The following LRRC4C variants were observed in gnomAD, a reference collection of about 807,000 sequenced individuals.
LRRC4C encodes the protein leucine rich repeat containing 4C, also known as leucine-rich repeat-containing protein 4C.
Under a neutral mutation model 33.6 loss-of-function variants are expected in LRRC4C, and 5 were observed. That is an observed-to-expected ratio of 0.15 (90% confidence interval 0.08 to 0.31). The LOEUF (loss-of-function observed/expected upper bound fraction) is 0.31. Ranked by LOEUF, LRRC4C falls within the 10% of genes least tolerant of loss-of-function variation. LRRC4C has a pLI of 1.00. For synonymous variants in LRRC4C, 329 were observed against 302.0 expected, an observed-to-expected ratio of 1.09 and a Z score of -0.93; for missense variants, 560 against 796.7, an observed-to-expected ratio of 0.70 and a Z score of 3.58.
At chr11:40,971,585 T>C (rs1460918146) in intron 1 of LRRC4C, among the ~76,000 whole-genome samples, 1 of 151,980 alleles carries the variant, frequency 6.6e-6, no homozygotes, top group African/African-American at 2.4e-5. Context: ...AGATGGAAAA[T>C]ATGGGTTTGG....
chr11:40,465,533 T>C (rs1398033119), intron 3 of LRRC4C, among the ~76,000 whole-genome samples: 1 of 151,924 alleles, frequency 6.6e-6, no homozygotes, highest in African/African-American at 2.4e-5. Flanking sequence ...TGGGAGAAAC[T>C]ATTTGCAAAC....
At chr11:40,536,278 C>G (rs1167039837) in intron 3 of LRRC4C, among the ~76,000 whole-genome samples, 2 of 152,134 alleles carry the variant, frequency 1.3e-5, no homozygotes, top group Non-Finnish European at 2.9e-5. Flanking sequence ...ACTGCAACCT[C>G]CGCCTCCTGG....
rs202214030 is a variant in LRRC4C at position 40,114,956 on chromosome 11, G to A, written c.1337C>T (p.Ala446Val). ...TASATLNVTA[A>V]TTTPFSYFST... ...AAAGTAAGAGAAAGGAGTAGTGGTT[G>A]CTGCAGTAACATTCAGGGTGGCTGA... The change falls in exon 7 of 7, where the codon GCA becomes GTA. Residue 446 changes from alanine to valine, a missense_variant. This residue lies in a region of LRRC4C where 455 missense variants were observed against 643.8 expected (regional missense o/e 0.71). Coordinates refer to ENST00000528697, the MANE Select transcript of LRRC4C (RefSeq NM_001258419.2). 1.8e-4 allele frequency: 294 copies of A among 1,614,052 alleles called. 2 individuals carry two copies. The highest frequency in any genetic ancestry group is 1.5e-4 in the Admixed American group (9 of 60,000).
In LRRC4C at chr11:40,590,149, C is replaced by A. The variant is rs542533584; in HGVS notation, c.-270+57993G>T. Among the ~76,000 whole-genome samples, 398 of 151,656 alleles carry A rather than the reference C, an allele frequency of 2.6e-3. 2 individuals are homozygous for A. Among genetic ancestry groups the A allele is most frequent in the African/African-American group, 9.3e-3 (385 of 41,438 alleles). ...GTAGATTTGGTCTTTTCACATAGTC[C>A]CATATTTCTTGGAGGCTTTGCTTGT... is the stretch of plus-strand genomic sequence containing the variant. On this transcript the variant is annotated intron_variant, in intron 3 of 6. Coordinates refer to ENST00000528697, the MANE Select transcript of LRRC4C (RefSeq NM_001258419.2).
intron 1 of LRRC4C, among the ~76,000 whole-genome samples, chr11:41,176,731 C>T (rs556261246): frequency 9.2e-5 from 14 of 151,968 alleles, no homozygotes; most frequent in Admixed American, 3.3e-4. Flanking sequence ...GGGAGGCTGA[C>T]GCAGGCGGAT....
chr11:40,533,158 C>T (rs1031783996), intron 3 of LRRC4C, among the ~76,000 whole-genome samples: 4 of 152,088 alleles, frequency 2.6e-5, no homozygotes, highest in African/African-American at 9.7e-5. Flanking sequence ...CATTTTGGAG[C>T]TATTTTTCAA....
intron 1 of LRRC4C, among the ~76,000 whole-genome samples, chr11:40,997,315 G>C (rs1476194658): frequency 6.6e-6 from 1 of 151,986 alleles, no homozygotes; most frequent in Non-Finnish European, 1.5e-5. Context: ...GACAGTAAAG[G>C]GACATAACCA....
chr11:41,234,339 A>G (rs1947930436), intron 1 of LRRC4C, among the ~76,000 whole-genome samples: 1 of 152,088 alleles, frequency 6.6e-6, no homozygotes, highest in Non-Finnish European at 1.5e-5. Flanking sequence ...ATATTACATT[A>G]CCTCATATAC....
intron 3 of LRRC4C, among the ~76,000 whole-genome samples, chr11:40,579,293 T>G (rs1294839035): frequency 6.6e-6 from 1 of 151,364 alleles, no homozygotes; most frequent in East Asian, 1.9e-4. Flanking sequence ...AGCACTGCTT[T>G]CCGGTATGGG....
chr11:41,432,844 G>T (rs1955288851), intron 1 of LRRC4C, among the ~76,000 whole-genome samples: 1 of 152,132 alleles, frequency 6.6e-6, no homozygotes, highest in African/African-American at 2.4e-5. Flanking sequence ...AATAAACCCT[G>T]TCTCCATAAA....
Position 41,145,121 on chromosome 11 carries a change from A to C in LRRC4C, c.-495-211398T>G, listed in dbSNP as rs143418957. 6.1e-3 allele frequency among the ~76,000 whole-genome samples: 934 copies of C among 152,264 alleles called. 14 individuals carry two copies. The highest frequency in any genetic ancestry group is 0.021 in the African/African-American group (887 of 41,568). ...AAGCATATAATCACAGCAAGACCTC[A>C]ATACATGTTAACATTTAAAGTTCTA... On this transcript the variant is annotated intron_variant, in intron 1 of 6. Coordinates refer to ENST00000528697, the MANE Select transcript of LRRC4C (RefSeq NM_001258419.2).
In LRRC4C at chr11:40,554,884, G is replaced by A. The variant is rs1484959204; in HGVS notation, c.-270+93258C>T. Among the ~76,000 whole-genome samples the A allele has an allele frequency of 6.7e-5, 10 of 149,634 alleles. 1 individual carries two copies. Among genetic ancestry groups the A allele is most frequent in the African/African-American group, 2.5e-4 (10 of 39,474 alleles). On this transcript the variant is annotated intron_variant, in intron 3 of 6. Transcript: ENST00000528697. ...CTACAGACGCCCGCTACCACGCCCG[G>A]CTAATTTTTTGTATTTTTAGTAGAG...
chr11:40,617,155 A>G (rs1961942638), intron 3 of LRRC4C, among the ~76,000 whole-genome samples: 1 of 151,774 alleles, frequency 6.6e-6, no homozygotes, highest in Non-Finnish European at 1.5e-5. Context: ...ATCAATATGC[A>G]GTTTTAGAAA....
chr11:40,424,352 A>C (rs1950635226), intron 3 of LRRC4C, among the ~76,000 whole-genome samples: 1 of 152,196 alleles, frequency 6.6e-6, no homozygotes, highest in Non-Finnish European at 1.5e-5. Context: ...GAAGAGCCTT[A>C]AAAACTTTCA....
At chr11:40,797,052 G>A (rs1950863775) in intron 2 of LRRC4C, among the ~76,000 whole-genome samples, 1 of 151,994 alleles carries the variant, frequency 6.6e-6, no homozygotes, top group Non-Finnish European at 1.5e-5. Context: ...AGAATAATTT[G>A]GATAGTATTT....
intron 5 of LRRC4C, among the ~76,000 whole-genome samples, chr11:40,164,708 T>C (rs1367650702): frequency 1.3e-5 from 2 of 151,776 alleles, no homozygotes; most frequent in Admixed American, 6.6e-5. Flanking sequence ...GGGAAGGGGG[T>C]CGGGGACGAT....
chr11:40,674,984 C>T (rs1944322010), intron 2 of LRRC4C, among the ~76,000 whole-genome samples: 1 of 152,166 alleles, frequency 6.6e-6, no homozygotes, highest in African/African-American at 2.4e-5. Context: ...TGTATTATAA[C>T]CTGGGTCACT....
rs796140564 is a variant in LRRC4C at position 40,692,852 on chromosome 11, C to T, written c.-406-44574G>A. Among the ~76,000 whole-genome samples, 64 of 152,108 alleles carry T rather than the reference C, an allele frequency of 4.2e-4. 1 individual carries two copies. The highest frequency in any genetic ancestry group is 1.5e-3 in the African/African-American group (63 of 41,514). ...CATTTCCATCTATCACAAATGTATT[C>T]ATGGTATGAGAAGAACCTTATCTAT... On this transcript the variant is annotated intron_variant, in intron 2 of 6. Transcript: ENST00000528697.
intron 2 of LRRC4C, among the ~76,000 whole-genome samples, chr11:40,907,927 T>A (rs1472771526): frequency 1.3e-5 from 2 of 152,214 alleles, no homozygotes; most frequent in African/African-American, 4.8e-5. Context: ...AATTCCAATG[T>A]CGTGCACTTG....
Sources: gnomAD v4.1 joint callset for allele counts (sites outside exome capture counted in the v4.1 genomes callset) on GRCh38, gnomAD v4.1.1 for gene constraint, gnomAD v4.1.1 regional missense constraint, MANE v1.5 for transcripts, NCBI Gene and HGNC (gene_info 2026-07-23, HGNC 2026-07-21) for gene names.